The following XKR6 variants were observed in gnomAD, a reference collection of about 807,000 sequenced individuals.
XKR6 encodes XK related 6, also known as XK-related protein 6.
A neutral mutation model predicts 56.7 loss-of-function variants in XKR6; 22 were observed. That is an observed-to-expected ratio of 0.39 (90% CI 0.28 to 0.55). The LOEUF is 0.55. XKR6 is among the 20% of genes least tolerant of loss of function. The pLI is 0.66. For missense variants in XKR6, 852 were observed against 889.0 expected, an observed-to-expected ratio of 0.96 and a Z score of 0.53; for synonymous variants, 524 against 387.8, an observed-to-expected ratio of 1.35 and a Z score of -4.13.
At chr8:11,027,198 A>T (rs1283780033) in intron 1 of XKR6, among the ~76,000 whole-genome samples, 1 of 152,220 alleles carries the variant, frequency 6.6e-6, no homozygotes, top group East Asian at 1.9e-4. Context: ...GTGAATCTAA[A>T]CATATTTAAA....
At chr8:11,183,813 G>A (rs1803121628) in intron 1 of XKR6, among the ~76,000 whole-genome samples, 1 of 152,142 alleles carries the variant, frequency 6.6e-6, no homozygotes, top group South Asian at 2.1e-4. Flanking sequence ...TCATGAAGCG[G>A]AAAGGCTCAG....
chr8:11,122,989 C>T (rs1413812792), intron 1 of XKR6, among the ~76,000 whole-genome samples: 1 of 152,038 alleles, frequency 6.6e-6, no homozygotes, highest in African/African-American at 2.4e-5. Context: ...GTAATCCCAG[C>T]ACTTTGGGAG....
chr8:10,936,265 C>T (rs1241417075), intron 1 of XKR6, among the ~76,000 whole-genome samples: 3 of 150,430 alleles, frequency 2.0e-5, no homozygotes, highest in African/African-American at 7.3e-5. Context: ...AGATCTTTCT[C>T]CATCCTTTTA....
At chr8:10,985,462 T>G (rs1409982150) in intron 1 of XKR6, among the ~76,000 whole-genome samples, 1 of 151,924 alleles carries the variant, frequency 6.6e-6, no homozygotes, top group Admixed American at 6.5e-5. Context: ...GAATAACAAT[T>G]TAAATCTAGG....
chr8:11,098,472 T>C (rs936113573), intron 1 of XKR6, among the ~76,000 whole-genome samples: 8 of 152,132 alleles, frequency 5.3e-5, no homozygotes, highest in Non-Finnish European at 1.2e-4. Context: ...ACTCACGGAA[T>C]ACGAGGTGTC....
chr8:11,024,204 GGTGTGTGTGTGTGTGTGTGT>G (rs61021720), intron 1 of XKR6, among the ~76,000 whole-genome samples: 9,208 of 136,898 alleles, frequency 0.067, 343 homozygotes, highest in South Asian at 0.12. Context: ...CCTGTTAGGA[GGTGTGTGTGTGTGTGTGTGT>G]GTGTGTGTGT....
intron 1 of XKR6, among the ~76,000 whole-genome samples, chr8:11,163,181 G>C (rs1371381817): frequency 6.6e-6 from 1 of 152,072 alleles, no homozygotes; most frequent in Non-Finnish European, 1.5e-5. Flanking sequence ...AAAATTGTTA[G>C]AAAATATTAA....
intron 1 of XKR6, among the ~76,000 whole-genome samples, chr8:11,024,420 T>A (rs1490632446): frequency 6.6e-6 from 1 of 152,218 alleles, no homozygotes; most frequent in Non-Finnish European, 1.5e-5. Context: ...GAACCCATGA[T>A]GTAGGGATGC....
chr8:10,915,704 G>C (rs540454778), intron 2 of XKR6, among the ~76,000 whole-genome samples: 46 of 152,252 alleles, frequency 3.0e-4, no homozygotes, highest in African/African-American at 1.0e-3. Flanking sequence ...AAGCCGTTTG[G>C]AGCTAGAGCA....
chr8:10,959,183 C>G (rs913858073), intron 1 of XKR6, among the ~76,000 whole-genome samples: 1 of 152,184 alleles, frequency 6.6e-6, no homozygotes, highest in African/African-American at 2.4e-5. Flanking sequence ...CTCCTGGTCA[C>G]CGGATCTCTC....
intron 1 of XKR6, among the ~76,000 whole-genome samples, chr8:11,180,977 T>C (rs1301537768): frequency 6.6e-6 from 1 of 152,164 alleles, no homozygotes; most frequent in African/African-American, 2.4e-5. Context: ...AATACAATAA[T>C]GACATACAGG....
At chr8:11,011,023 C>T (rs911351674) in intron 1 of XKR6, among the ~76,000 whole-genome samples, 1 of 152,202 alleles carries the variant, frequency 6.6e-6, no homozygotes, top group Non-Finnish European at 1.5e-5. Context: ...CTCAGCAACC[C>T]AATCAGTCAA....
At chr8:10,952,808 G>T (rs1801765340) in intron 1 of XKR6, among the ~76,000 whole-genome samples, 1 of 152,154 alleles carries the variant, frequency 6.6e-6, no homozygotes, top group African/African-American at 2.4e-5. Flanking sequence ...CCCGGGCCAT[G>T]GACAGGTACT....
At chr8:10,905,956 G>T (rs757175736) in intron 2 of XKR6, among the ~76,000 whole-genome samples, 1 of 152,138 alleles carries the variant, frequency 6.6e-6, no homozygotes, top group African/African-American at 2.4e-5. Context: ...ATGTGACAAA[G>T]GTACTTTCCT....
At chr8:10,915,580 T>G (rs956533065) in intron 2 of XKR6, among the ~76,000 whole-genome samples, 1 of 152,124 alleles carries the variant, frequency 6.6e-6, no homozygotes, top group African/African-American at 2.4e-5. Flanking sequence ...GTGCAGGGCC[T>G]CAAAATGGCA....
At chr8:10,980,099 C>T (rs191002692) in intron 1 of XKR6, among the ~76,000 whole-genome samples, 79 of 152,316 alleles carry the variant, frequency 5.2e-4, no homozygotes, top group East Asian at 2.7e-3. Context: ...TCTATGCAGG[C>T]CTGGAGCCCA....
chr8:10,958,332 G>C (rs1801960276), intron 1 of XKR6, among the ~76,000 whole-genome samples: 3 of 152,232 alleles, frequency 2.0e-5, no homozygotes, highest in Admixed American at 2.0e-4. Context: ...TGAGTCTTTA[G>C]AGCCGGCACT....
At chr8:11,076,567 T>G (rs1800279903) in intron 1 of XKR6, among the ~76,000 whole-genome samples, 1 of 152,128 alleles carries the variant, frequency 6.6e-6, no homozygotes, top group Non-Finnish European at 1.5e-5. Flanking sequence ...TCAGCCTCCT[T>G]CATCTCTCTA....
intron 1 of XKR6, among the ~76,000 whole-genome samples, chr8:11,133,060 G>A (rs560239587): frequency 6.6e-6 from 1 of 152,142 alleles, no homozygotes; most frequent in Non-Finnish European, 1.5e-5. Context: ...TGAGGAGACA[G>A]TGAGTTTCAA....
Sources: gnomAD v4.1 joint callset for allele counts (sites outside exome capture counted in the v4.1 genomes callset) on GRCh38, gnomAD v4.1.1 for gene constraint, MANE v1.5 for transcripts, NCBI Gene and HGNC (gene_info 2026-07-23, HGNC 2026-07-21) for gene names.